The following POU6F2 variants were observed in gnomAD, a reference collection of about 807,000 sequenced individuals.
POU6F2 encodes POU domain, class 6, transcription factor 2.
Under a neutral mutation model 71.3 loss-of-function variants are expected in POU6F2, and 31 were observed. That is an observed-to-expected ratio of 0.43 (90% CI 0.33 to 0.59). POU6F2 has a LOEUF of 0.59. Ranked by LOEUF, POU6F2 falls within the 20% of genes least tolerant of loss-of-function variation. The pLI is 0.04. For missense variants in POU6F2, 783 were observed against 856.8 expected, an observed-to-expected ratio of 0.91 and a Z score of 1.07; for synonymous variants, 347 against 355.7, an observed-to-expected ratio of 0.98 and a Z score of 0.27.
At chr7:39,451,819 A>G (rs1352917204) in intron 8 of POU6F2, 118 bp downstream of exon 8, 6 of 1,287,912 alleles carry the variant, frequency 4.7e-6, no homozygotes, top group Non-Finnish European at 4.3e-6. Context: ...TCAACCCTGC[A>G]CAGGAATTTC....
chr7:39,111,629 A>G (rs940044362), intron 2 of POU6F2, among the ~76,000 whole-genome samples: 1 of 152,214 alleles, frequency 6.6e-6, no homozygotes, highest in Non-Finnish European at 1.5e-5. Flanking sequence ...AAAAATAGAT[A>G]TAGAGATATA....
intron 1 of POU6F2, among the ~76,000 whole-genome samples, chr7:39,030,908 T>C (rs2128709246): frequency 6.6e-6 from 1 of 152,124 alleles, no homozygotes; most frequent in East Asian, 1.9e-4. Context: ...TTTATTTATT[T>C]ATTTAGTTTT....
intron 1 of POU6F2, among the ~76,000 whole-genome samples, chr7:39,002,767 T>C (rs1038764031): frequency 2.0e-5 from 3 of 152,268 alleles, no homozygotes; most frequent in South Asian, 2.1e-4. Context: ...AAGTTGTTTT[T>C]CCCCTCCGGG....
At chr7:39,303,619 C>T (rs1032372192) in intron 4 of POU6F2, among the ~76,000 whole-genome samples, 1 of 152,162 alleles carries the variant, frequency 6.6e-6, no homozygotes, top group African/African-American at 2.4e-5. Context: ...TGGAATGATG[C>T]TCTGGAGGCT....
chr7:39,073,389 A>AC (rs1007865490), intron 1 of POU6F2, among the ~76,000 whole-genome samples: 1 of 152,002 alleles, frequency 6.6e-6, no homozygotes, highest in African/African-American at 2.4e-5. Flanking sequence ...AAAAAAAAAA[A>AC]AAAAAACCTT....
intron 4 of POU6F2, among the ~76,000 whole-genome samples, chr7:39,236,765 C>T (rs574268404): frequency 2.0e-5 from 3 of 152,066 alleles, no homozygotes; most frequent in African/African-American, 2.4e-5. Context: ...GGAAACTACC[C>T]AACTCACAGA....
intron 1 of POU6F2, among the ~76,000 whole-genome samples, chr7:39,045,247 C>T (rs1047596272): frequency 1.6e-4 from 25 of 152,082 alleles, no homozygotes; most frequent in Admixed American, 1.4e-3. Flanking sequence ...CCTTAGTCAG[C>T]TTCAGGACCC....
chr7:39,428,976 AG>A (rs1474726219), intron 6 of POU6F2, among the ~76,000 whole-genome samples: 1 of 46,396 alleles, frequency 2.2e-5, no homozygotes, highest in Non-Finnish European at 3.9e-5. Context: ...GGGTGGGGGG[AG>A]GGGGGAGGGA....
chr7:39,188,491 T>C (rs942027284), intron 2 of POU6F2, among the ~76,000 whole-genome samples: 13 of 152,124 alleles, frequency 8.5e-5, no homozygotes, highest in Non-Finnish European at 1.6e-4. Flanking sequence ...TTTTGCATTT[T>C]TAGTAGAAAC....
At chr7:39,038,027 C>T (rs1790104926) in intron 1 of POU6F2, among the ~76,000 whole-genome samples, 1 of 152,060 alleles carries the variant, frequency 6.6e-6, no homozygotes, top group African/African-American at 2.4e-5. Flanking sequence ...AGGTAATCTA[C>T]TCAAGGGACC....
At chr7:39,155,784 A>T (rs180942257) in intron 2 of POU6F2, among the ~76,000 whole-genome samples, 2 of 152,282 alleles carry the variant, frequency 1.3e-5, no homozygotes, top group Non-Finnish European at 1.5e-5. Flanking sequence ...TGAAAGAGAG[A>T]AATTTATTTT....
intron 7 of POU6F2, among the ~76,000 whole-genome samples, chr7:39,446,527 G>T (rs953033972): frequency 6.6e-6 from 1 of 152,082 alleles, no homozygotes; most frequent in Non-Finnish European, 1.5e-5. Flanking sequence ...ACGATATACC[G>T]CATAACACAC....
chr7:39,166,566 C>A (rs1263333407), intron 2 of POU6F2, among the ~76,000 whole-genome samples: 1 of 152,072 alleles, frequency 6.6e-6, no homozygotes. Flanking sequence ...CAAGTGTCAG[C>A]CTGACTGTTA....
intron 2 of POU6F2, among the ~76,000 whole-genome samples, chr7:39,122,561 A>T (rs1341798197): frequency 1.3e-5 from 2 of 152,160 alleles, no homozygotes; most frequent in Non-Finnish European, 2.9e-5. Context: ...CAATCTAAGG[A>T]AGAAGGAATA....
intron 4 of POU6F2, among the ~76,000 whole-genome samples, chr7:39,211,548 G>A (rs569984949): frequency 6.6e-6 from 1 of 152,246 alleles, no homozygotes; most frequent in South Asian, 2.1e-4. Flanking sequence ...TGTATGTGTG[G>A]CCTGGGAATT....
intron 1 of POU6F2, among the ~76,000 whole-genome samples, chr7:39,031,055 C>T (rs1476692932): frequency 3.3e-5 from 5 of 151,938 alleles, no homozygotes; most frequent in African/African-American, 7.3e-5. Flanking sequence ...TGCCCACCAC[C>T]GCGTCTGGCT....
intron 1 of POU6F2, among the ~76,000 whole-genome samples, chr7:38,985,806 C>A (rs984177624): frequency 6.6e-6 from 1 of 152,034 alleles, no homozygotes; most frequent in African/African-American, 2.4e-5. Context: ...ACTGCTAATA[C>A]AAGAGGTGTT....
chr7:39,320,348 G>A (rs1010116043), intron 4 of POU6F2, among the ~76,000 whole-genome samples: 7 of 152,226 alleles, frequency 4.6e-5, no homozygotes, highest in South Asian at 2.1e-4. Context: ...CTGGTCCCCC[G>A]CAGATGCTGT....
intron 1 of POU6F2, chr7:39,034,474 G>C (rs2128710116): frequency 4.5e-6 from 2 of 441,236 alleles, no homozygotes; most frequent in Non-Finnish European, 9.3e-6. Flanking sequence ...CATATCTATG[G>C]AGACAATGGC....
Sources: allele counts gnomAD v4.1 joint callset (sites outside exome capture counted in the v4.1 genomes callset), GRCh38; gene constraint gnomAD v4.1.1; transcripts MANE v1.5; gene names NCBI Gene and HGNC (gene_info 2026-07-23, HGNC 2026-07-21).